The following DPP6 variants were observed in gnomAD, a reference collection of about 807,000 sequenced individuals.
DPP6 encodes dipeptidyl peptidase like 6.
A neutral mutation model predicts 122.6 loss-of-function variants in DPP6; 69 were observed. The observed-to-expected ratio is 0.56, with a 90% CI of 0.46 to 0.69. The LOEUF is 0.69. Among genes scored for constraint, DPP6 ranks in the 30% least tolerant of loss-of-function variants. The probability of loss-of-function intolerance (pLI) is 0.00; values close to 1 mark genes in which losing one functional copy is unlikely to be tolerated. For missense variants in DPP6, 928 were observed against 1,116.9 expected (o/e 0.83, Z 2.41); for synonymous variants, 418 against 433.1 (o/e 0.97, Z 0.43).
At chr7:154,731,202 T>TGA (rs1301724898) in intron 8 of DPP6, among the ~76,000 whole-genome samples, 1 of 149,834 alleles carries the variant, frequency 6.7e-6, no homozygotes, top group Non-Finnish European at 1.5e-5. Context: ...AGTTAGGGGG[T>TGA]GGGGGGAGAT....
chr7:154,287,987 G>A (rs1439717294), intron 1 of DPP6, among the ~76,000 whole-genome samples: 3 of 152,140 alleles, frequency 2.0e-5, no homozygotes, highest in African/African-American at 7.2e-5. Flanking sequence ...GTAAAAATGG[G>A]GCAAAAGTTA....
intron 1 of DPP6, among the ~76,000 whole-genome samples, chr7:153,959,880 C>T (rs1034598821): frequency 4.6e-5 from 7 of 152,230 alleles, no homozygotes; most frequent in Non-Finnish European, 7.3e-5. Context: ...AGCTTTCAGC[C>T]GATCTCAGCT....
chr7:154,373,025 C>T, intron 1 of DPP6, among the ~76,000 whole-genome samples: 1 of 152,178 alleles, frequency 6.6e-6, no homozygotes, highest in Non-Finnish European at 1.5e-5. Context: ...TCAGTTAGTG[C>T]CTCTCGGCAT....
At chr7:154,844,372 T>C (rs1296668493) in intron 16 of DPP6, among the ~76,000 whole-genome samples, 2 of 152,232 alleles carry the variant, frequency 1.3e-5, no homozygotes, top group African/African-American at 4.8e-5. Flanking sequence ...CTGTGTATGT[T>C]CTTCGTGTGT....
intron 1 of DPP6, among the ~76,000 whole-genome samples, chr7:154,432,616 C>CTGCACTGGATTTTATAATGCAT: frequency 6.6e-6 from 1 of 152,196 alleles, no homozygotes; most frequent in African/African-American, 2.4e-5. Context: ...CTTTCAACAC[C>CTGCACTGGATTTTATAATGCAT]TGCACTGGAT....
At chr7:153,772,013 A>G in the DPP6 span, among the ~76,000 whole-genome samples, 1 of 152,184 alleles carries the variant, frequency 6.6e-6, no homozygotes, top group Non-Finnish European at 1.5e-5. Context: ...AAAGGTATCT[A>G]TGGTGTAGGG....
chr7:154,467,844 TGAG>T (rs2151330941), intron 2 of DPP6, among the ~76,000 whole-genome samples: 1 of 152,318 alleles, frequency 6.6e-6, no homozygotes, highest in Non-Finnish European at 1.5e-5. Flanking sequence ...TGCCTTCTGC[TGAG>T]AGAGGTTTGG....
At chr7:154,378,178 A>G (rs1051226388) in intron 1 of DPP6, among the ~76,000 whole-genome samples, 1 of 152,156 alleles carries the variant, frequency 6.6e-6, no homozygotes, top group African/African-American at 2.4e-5. Context: ...AATACATGCC[A>G]TTTTTTTGGA....
intron 1 of DPP6, among the ~76,000 whole-genome samples, chr7:153,913,511 C>T (rs538217529): frequency 6.6e-6 from 1 of 152,138 alleles, no homozygotes; most frequent in Non-Finnish European, 1.5e-5. Context: ...GATGACTGAC[C>T]TTAATTTCTA....
the DPP6 span, among the ~76,000 whole-genome samples, chr7:153,757,919 A>G: frequency 6.6e-6 from 1 of 152,246 alleles, no homozygotes; most frequent in Non-Finnish European, 1.5e-5. Flanking sequence ...AGATCGTGCC[A>G]CTGCACTCCA....
intron 1 of DPP6, among the ~76,000 whole-genome samples, chr7:154,174,140 G>A (rs1051510685): frequency 5.3e-5 from 8 of 152,164 alleles, no homozygotes; most frequent in African/African-American, 1.9e-4. Context: ...TTATGACCGG[G>A]GGACCTGAGT....
chr7:154,664,054 G>A (rs10085810), intron 6 of DPP6, among the ~76,000 whole-genome samples: 7 of 74,694 alleles, frequency 9.4e-5, no homozygotes, highest in African/African-American at 1.1e-4. Flanking sequence ...CATATCGGCC[G>A]TAGTGTTCAT....
rs112031565 is a variant in DPP6, at chr7:154,767,958, A to G, written c.884-1459A>G. Among the ~76,000 whole-genome samples, 448 of 152,330 alleles carry G rather than the reference A, an allele frequency of 2.9e-3. 1 individual carries two copies. Among genetic ancestry groups the G allele is most frequent in the Middle Eastern group, 0.01 (3 of 294 alleles). On this transcript the variant is annotated intron_variant, in intron 8 of 25. Transcript: ENST00000377770. ...TCACGTGACAGGGGAGCGAGGCTCA[A>G]TGAGCTGCAGCATCCCCATCAGTGC... is the stretch of plus-strand genomic sequence containing the variant.
intron 21 of DPP6, among the ~76,000 whole-genome samples, chr7:154,882,748 G>A (rs1255567063): frequency 6.6e-6 from 1 of 152,136 alleles, no homozygotes; most frequent in African/African-American, 2.4e-5. Flanking sequence ...GCAGGAAAAT[G>A]AGATTTAAAG....
chr7:154,880,777 AAG>A, intron 20 of DPP6, 109 bp from the exon 21 acceptor site: 9 of 1,575,358 alleles, frequency 5.7e-6, no homozygotes, highest in Non-Finnish European at 7.8e-6. Context: ...TTTTTATTTG[AAG>A]AGGGGTTTTC....
chr7:154,552,661 A>G (rs1829721389), intron 4 of DPP6, among the ~76,000 whole-genome samples: 1 of 152,198 alleles, frequency 6.6e-6, no homozygotes, highest in Admixed American at 6.5e-5. Flanking sequence ...ATTGGAAGCC[A>G]AATGTGAGGA....
Position 154,602,034 on chromosome 7 carries a change from T to A in DPP6, c.627+35118T>A, listed in dbSNP as rs374475161. Among the ~76,000 whole-genome samples, 19 of 121,608 alleles carry A rather than the reference T, an allele frequency of 1.6e-4. 2 individuals carry two copies. Among genetic ancestry groups the A allele is most frequent in the African/African-American group, 5.0e-4 (19 of 38,238 alleles). 79.8% of individuals were successfully genotyped at this position (121,608 alleles called of 152,430 possible). ...CCAGTAAAAGTAATACTTGTTTCTTTATGCTTCTCTCTTCTGATTTTTGGT... is the reference window on the plus strand; with the variant it reads ...CCAGTAAAAGTAATACTTGTTTCTTAATGCTTCTCTCTTCTGATTTTTGGT... On this transcript the variant is annotated intron_variant, in intron 5 of 25. Coordinates refer to ENST00000377770, the MANE Select transcript of DPP6 (RefSeq NM_130797.4).
upstream of DPP6, among the ~76,000 whole-genome samples, chr7:153,885,440 A>G (rs1798874517): frequency 6.6e-6 from 1 of 151,960 alleles, no homozygotes; most frequent in African/African-American, 2.4e-5. Context: ...GGGAGGAGCC[A>G]TCACCCTGAT....
rs750574171 is a variant in DPP6, at chr7:154,875,890, G to T, written c.1884-16G>T. On this transcript the variant is annotated splice_polypyrimidine_tract_variant and intron_variant, in intron 19 of 25. Transcript: ENST00000377770. The surrounding 1 kb of genome is among the most constrained non-coding windows in gnomAD (Gnocchi z 4.5). ...ACCACGCAGCAGGCCTGCTGAGCCC[G>T]GGATTCTCTTTCCAGGGATGGCACC... 12 of 1,599,216 alleles carry T rather than the reference G, an allele frequency of 7.5e-6. No individual in the cohort carries two copies. Among genetic ancestry groups the T allele is most frequent in the Non-Finnish European group, 1.0e-5 (12 of 1,173,532 alleles).
Sources: gnomAD v4.1 joint callset for allele counts (sites outside exome capture counted in the v4.1 genomes callset) on GRCh38, gnomAD v4.1.1 for gene constraint, Gnocchi (gnomAD v3.1) non-coding constraint, MANE v1.5 for transcripts, NCBI Gene and HGNC (gene_info 2026-07-23, HGNC 2026-07-21) for gene names.